AJAP1: variants seen among roughly 807,000 people sequenced by gnomAD.
AJAP1 encodes adherens junction-associated protein 1.
A neutral mutation model predicts 35.0 loss-of-function variants in AJAP1; 5 were observed. The ratio of observed to expected loss-of-function variants is 0.14; its 90% CI spans 0.07 to 0.30. The LOEUF is 0.30. Among genes scored for constraint, AJAP1 ranks in the 10% least tolerant of loss-of-function variants. AJAP1 has a pLI of 1.00. For missense variants in AJAP1, 586 were observed against 571.0 expected (o/e 1.03, Z -0.27); for synonymous variants, 284 against 249.3 (o/e 1.14, Z -1.31).
chr1:4,750,259 AGTGT>A (rs1641292749), intron 2 of AJAP1, among the ~76,000 whole-genome samples: 1 of 152,188 alleles, frequency 6.6e-6, no homozygotes, highest in South Asian at 2.1e-4. Flanking sequence ...TGTGCAGGAC[AGTGT>A]GTGTGCACAC....
At position 4,784,339 on chromosome 1, in the gene AJAP1, T is replaced by A. The variant is rs1443806693; in HGVS notation, c.*1854T>A. 1 of 152,206 alleles carries A rather than the reference T, an allele frequency of 6.6e-6. No homozygotes were observed. The highest frequency in any genetic ancestry group is 1.5e-5 in the Non-Finnish European group (1 of 68,048). 9.4% of individuals were successfully genotyped at this position (152,206 alleles called of 1,614,324 possible). On this transcript the variant is annotated 3_prime_UTR_variant, in exon 6 of 6. Transcript: ENST00000378191. ...TCCATGGGAGACGCCTAACATGGTG[T>A]GGGTCCCTGTCTCCAAAGACTATAT...
In AJAP1 at chr1:4,677,701, A is replaced by G. The variant is rs144258791; in HGVS notation, c.29+22247A>G. Among the ~76,000 whole-genome samples the G allele has an allele frequency of 5.3e-5, 8 of 152,076 alleles. No homozygotes were observed. The East Asian group carries it at 1.6e-3, about 30-fold the overall frequency. On this transcript the variant is annotated intron_variant, in intron 1 of 5. Transcript: ENST00000378191. ...GCCAGCGGGTATTCATATGGGGCAG[A>G]TGATATTCCAGGTAATGCTCCGAAT...
intron 2 of AJAP1, among the ~76,000 whole-genome samples, chr1:4,733,835 G>A (rs1265240373): frequency 2.6e-5 from 4 of 151,970 alleles, no homozygotes; most frequent in Middle Eastern, 3.2e-3. Flanking sequence ...CTGCCCACAC[G>A]CCGTCGTCTG....
chr1:4,781,972 A>G (rs1011659064), intron 5 of AJAP1, among the ~76,000 whole-genome samples: 10 of 152,212 alleles, frequency 6.6e-5, no homozygotes, highest in African/African-American at 2.4e-4. Flanking sequence ...CTCTTTGGCA[A>G]GATCACCTCT....
chr1:4,727,004 G>A (rs1170558385), intron 2 of AJAP1, among the ~76,000 whole-genome samples: 1 of 152,196 alleles, frequency 6.6e-6, no homozygotes, highest in African/African-American at 2.4e-5. Flanking sequence ...GAGAGCCCCC[G>A]GGAGCCCAGC....
intron 2 of AJAP1, among the ~76,000 whole-genome samples, chr1:4,733,344 T>C (rs567506728): frequency 3.3e-5 from 5 of 152,008 alleles, no homozygotes; most frequent in African/African-American, 2.4e-5. Context: ...AAGCCTGGGT[T>C]TAGAACCCAA....
In AJAP1 at chr1:4,786,401, C is replaced by G. The variant is rs2100382821; in HGVS notation, c.*3916C>G. 1 of 152,318 alleles carries G rather than the reference C, an allele frequency of 6.6e-6. No individual in the cohort carries two copies. The highest frequency in any genetic ancestry group is 2.1e-4 in the South Asian group (1 of 4,822). The allele number at this position is 152,318 out of a possible 1,614,324, so 9.4% of individuals were successfully genotyped here. A position where few individuals can be genotyped will look rare whatever the true frequency, so the allele number is the denominator to read the frequency against. ...ACCTGAACTCATCAGCAAACCCCAC[C>G]CACTCTTTGAATCGGGACACCAGGA... On this transcript the variant is annotated 3_prime_UTR_variant, in exon 6 of 6. Coordinates refer to ENST00000378191, the MANE Select transcript of AJAP1 (RefSeq NM_018836.4).
intron 1 of AJAP1, among the ~76,000 whole-genome samples, chr1:4,704,300 T>C (rs1473347331): frequency 1.4e-5 from 2 of 146,112 alleles, no homozygotes; most frequent in Non-Finnish European, 3.0e-5. Flanking sequence ...AATGCTATCC[T>C]TCCCCCCTCC....
chr1:4,692,037 C>T lies in AJAP1; in HGVS notation c.30-19863C>T, dbSNP rs1639751399. 6.6e-6 allele frequency among the ~76,000 whole-genome samples: 1 copy of T among 152,122 alleles called. No homozygotes were observed. The highest frequency in any genetic ancestry group is 1.5e-5 in the Non-Finnish European group (1 of 68,006). On this transcript the variant is annotated intron_variant, in intron 1 of 5. Coordinates refer to ENST00000378191, the MANE Select transcript of AJAP1 (RefSeq NM_018836.4). The surrounding 1 kb of genome is among the most constrained non-coding windows in gnomAD (Gnocchi z 4.4). ...CAGCCTTTGCCCCAGGCCGGGTGTC[C>T]CTGAGACTGGCCGAGGCCCTCAGCC...
intron 2 of AJAP1, among the ~76,000 whole-genome samples, chr1:4,769,340 C>G (rs1641776466): frequency 6.6e-6 from 1 of 152,144 alleles, no homozygotes; most frequent in Admixed American, 6.5e-5. Context: ...TTTTACCTCC[C>G]CAATATGTAC....
chr1:4,673,294 A>G (rs1460313360), intron 1 of AJAP1, among the ~76,000 whole-genome samples: 1 of 152,188 alleles, frequency 6.6e-6, no homozygotes, highest in Admixed American at 6.5e-5. Context: ...ATAGTTAGCT[A>G]TCTAAGTACA....
chr1:4,778,235 C>A (rs1641978756), intron 5 of AJAP1, among the ~76,000 whole-genome samples: 2 of 152,004 alleles, frequency 1.3e-5, no homozygotes, highest in African/African-American at 4.8e-5. Context: ...TCCCTTTTTG[C>A]CCAGGGAATC....
chr1:4,656,198 AG>A lies in AJAP1; in HGVS notation c.29+745del, dbSNP rs1638877582. On this transcript the variant is annotated intron_variant, in intron 1 of 5. Transcript: ENST00000378191. This position sits in a 1 kb window ranked among gnomAD's most constrained non-coding sequence, Gnocchi z 5.7. ...GATGGAAGAGGGGGTTCGAGCCTAG[AG>A]CCCGTGGTGGGGGTGTCCAGAAAGA... is the stretch of plus-strand genomic sequence containing the variant. Among the ~76,000 whole-genome samples, 1 of 152,072 alleles carries A rather than the reference AG, an allele frequency of 6.6e-6. No homozygotes were observed. Among genetic ancestry groups the A allele is most frequent in the African/African-American group, 2.4e-5 (1 of 41,426 alleles).
At chr1:4,668,583 A>G (rs1173535086) in intron 1 of AJAP1, among the ~76,000 whole-genome samples, 1 of 152,220 alleles carries the variant, frequency 6.6e-6, no homozygotes, top group African/African-American at 2.4e-5. Flanking sequence ...AACTTTCCTA[A>G]GGTCATACAA....
chr1:4,694,955 G>A (rs1013236008), intron 1 of AJAP1, among the ~76,000 whole-genome samples: 12 of 152,248 alleles, frequency 7.9e-5, no homozygotes, highest in East Asian at 1.9e-4. Context: ...GAGGAGGGTC[G>A]GAGAAGGCCA....
At chr1:4,671,951 T>G (rs1639257670) in intron 1 of AJAP1, among the ~76,000 whole-genome samples, 1 of 152,164 alleles carries the variant, frequency 6.6e-6, no homozygotes, top group Non-Finnish European at 1.5e-5. Context: ...AGGAAAGCTG[T>G]GAGGCACACT....
chr1:4,742,634 A>G (rs971774567), intron 2 of AJAP1, among the ~76,000 whole-genome samples: 1 of 152,304 alleles, frequency 6.6e-6, no homozygotes, highest in African/African-American at 2.4e-5. Flanking sequence ...ATAGTGTAAA[A>G]TAAATCAAAT....
chr1:4,725,195 G>A (rs1640623128), intron 2 of AJAP1, among the ~76,000 whole-genome samples: 1 of 152,200 alleles, frequency 6.6e-6, no homozygotes, highest in Non-Finnish European at 1.5e-5. Context: ...CAGAGGAGTA[G>A]TAAAGGGACC....
chr1:4,767,632 TCAC>T lies in AJAP1; in HGVS notation c.830-2217_830-2215del, dbSNP rs1388629463. On this transcript the variant is annotated intron_variant, in intron 2 of 5. Transcript: ENST00000378191. ...ATCACCATCTTTATCATTACCATCA[TCAC>T]CACATCACCATCACCACCATCATCA... Among the ~76,000 whole-genome samples, 16 of 144,924 alleles carry T rather than the reference TCAC, an allele frequency of 1.1e-4. No homozygotes were observed. The East Asian group carries it at 2.6e-3, about 24-fold the overall frequency.
Sources: gnomAD v4.1 joint callset for allele counts (sites outside exome capture counted in the v4.1 genomes callset) on GRCh38, gnomAD v4.1.1 for gene constraint, Gnocchi (gnomAD v3.1) non-coding constraint, MANE v1.5 for transcripts, NCBI Gene and HGNC (gene_info 2026-07-23, HGNC 2026-07-21) for gene names.